JAKMIP3: variants seen among roughly 807,000 people sequenced by gnomAD.
The protein encoded by JAKMIP3 is janus kinase and microtubule-interacting protein 3.
Under a neutral mutation model 118.5 loss-of-function variants are expected in JAKMIP3, and 58 were observed. That is an observed-to-expected ratio of 0.49 (90% confidence interval 0.40 to 0.61). JAKMIP3 has a LOEUF of 0.61. Ranked by LOEUF, JAKMIP3 falls within the 20% of genes least tolerant of loss-of-function variation. JAKMIP3 has a pLI of 0.00. For synonymous variants in JAKMIP3, 486 were observed against 451.2 expected (o/e 1.08, Z -0.98); for missense variants, 950 against 1,109.0 (o/e 0.86, Z 2.04).
At chr10:132,124,847 T>C (rs1256724148) in intron 3 of JAKMIP3, among the ~76,000 whole-genome samples, 1 of 151,382 alleles carries the variant, frequency 6.6e-6, no homozygotes, top group Non-Finnish European at 1.5e-5. Flanking sequence ...CAGAGCCCCC[T>C]CTCGTTCTAC....
At chr10:132,131,250 G>A (rs2050511518) in intron 3 of JAKMIP3, among the ~76,000 whole-genome samples, 1 of 149,174 alleles carries the variant, frequency 6.7e-6, no homozygotes, top group African/African-American at 2.5e-5. Context: ...GAGTCGGGGG[G>A]CAGGGAGATG....
chr10:132,164,787 C>G (rs2058723600), intron 21 of JAKMIP3, 52 bp downstream of exon 21: 2 of 1,219,440 alleles, frequency 1.6e-6, no homozygotes, highest in Middle Eastern at 1.9e-4. Flanking sequence ...GGGAGAGGAA[C>G]CCGGTGTCAC....
At chr10:132,114,166 C>T (rs1049841984) in intron 2 of JAKMIP3, among the ~76,000 whole-genome samples, 11 of 152,354 alleles carry the variant, frequency 7.2e-5, no homozygotes, top group East Asian at 5.8e-4. Context: ...GCTGACTACC[C>T]GACTGATGAG....
intron 3 of JAKMIP3, among the ~76,000 whole-genome samples, chr10:132,128,705 A>G (rs1056158373): frequency 6.8e-6 from 1 of 146,912 alleles, no homozygotes; most frequent in Non-Finnish European, 1.5e-5. Context: ...TTCTAATTTT[A>G]GACCTTGTAT....
intron 2 of JAKMIP3, among the ~76,000 whole-genome samples, chr10:132,115,585 G>A (rs988660799): frequency 1.1e-4 from 16 of 152,248 alleles, no homozygotes; most frequent in African/African-American, 3.9e-4. Context: ...ACTGGCAGAG[G>A]AGGTTGGTGT....
At chr10:132,075,081 T>G (rs760277502) in intron 1 of JAKMIP3, among the ~76,000 whole-genome samples, 1 of 152,234 alleles carries the variant, frequency 6.6e-6, no homozygotes, top group Non-Finnish European at 1.5e-5. Flanking sequence ...TTACTATAAC[T>G]TTGTAGTATA....
intron 3 of JAKMIP3, among the ~76,000 whole-genome samples, chr10:132,120,888 G>A (rs183845430): frequency 4.0e-4 from 61 of 152,356 alleles, no homozygotes; most frequent in African/African-American, 1.2e-3. Flanking sequence ...TTAAATCTAC[G>A]CGTGAGGTGG....
intron 8 of JAKMIP3, among the ~76,000 whole-genome samples, chr10:132,137,595 C>T (rs2052086873): frequency 1.3e-5 from 2 of 152,196 alleles, no homozygotes; most frequent in African/African-American, 4.8e-5. Flanking sequence ...CGGCTGCTCA[C>T]CCCACCATGC....
chr10:132,070,038 G>A (rs1456747162), intron 1 of JAKMIP3, among the ~76,000 whole-genome samples: 1 of 152,212 alleles, frequency 6.6e-6, no homozygotes, highest in Non-Finnish European at 1.5e-5. Context: ...GGTGAGAGGT[G>A]CGGCTGCTGA....
intron 19 of JAKMIP3, 26 bp downstream of exon 19, chr10:132,154,016 C>G: frequency 6.2e-7 from 1 of 1,608,764 alleles, no homozygotes; most frequent in Non-Finnish European, 8.5e-7. Context: ...CTGCTGGAAC[C>G]CCGGGGAGGG....
At chr10:132,103,913 C>G (rs2045500868) in intron 1 of JAKMIP3, among the ~76,000 whole-genome samples, 1 of 152,202 alleles carries the variant, frequency 6.6e-6, no homozygotes, top group Non-Finnish European at 1.5e-5. Context: ...CTGGCACCCA[C>G]CATTCTACTT....
At position 132,117,532 on chromosome 10, in the gene JAKMIP3, C is replaced by A. The variant is rs1318331664; in HGVS notation, c.591C>A (p.Ile197=). ...RSVYHLHQEE[I]TRIKKECERE... ...TGTACCACCTGCACCAGGAGGAGAT[C>A]ACCCGCATCAAGAAGGAGTGCGAGC... The change falls in exon 3 of 24, where the codon ATC becomes ATA. Residue 197 remains isoleucine (I), a synonymous_variant. Coordinates refer to ENST00000684848, the MANE Select transcript of JAKMIP3 (RefSeq NM_001323087.2). This position sits in a 1 kb window ranked among gnomAD's most constrained non-coding sequence, Gnocchi z 8.6. 1.3e-6 allele frequency: 2 copies of A among 1,589,998 alleles called. No homozygotes were observed. Among genetic ancestry groups the A allele is most frequent in the Non-Finnish European group, 1.7e-6 (2 of 1,168,172 alleles).
At chr10:132,148,892 A>G (rs559160126) in intron 14 of JAKMIP3, among the ~76,000 whole-genome samples, 2 of 152,300 alleles carry the variant, frequency 1.3e-5, no homozygotes, top group African/African-American at 2.4e-5. Context: ...CTGGAGCCTC[A>G]CAGTCCAGCT....
chr10:132,067,943 GTGGACTCTGGGTTTCTGTGTGGTC>G (rs1291275044), intron 1 of JAKMIP3, among the ~76,000 whole-genome samples: 1 of 146,568 alleles, frequency 6.8e-6, no homozygotes, highest in African/African-American at 2.5e-5. Context: ...GGGCTTCCGT[GTGGACTCTGGGTTTCTGTGTGGTC>G]TGGACTGTGA....
intron 1 of JAKMIP3, among the ~76,000 whole-genome samples, chr10:132,040,773 G>A (rs527261362): frequency 8.6e-5 from 13 of 151,854 alleles, no homozygotes; most frequent in South Asian, 4.2e-4. Context: ...CAGGTTCAGC[G>A]CAGAATAGCA....
At chr10:132,043,001 G>A (rs531264441) in intron 1 of JAKMIP3, among the ~76,000 whole-genome samples, 1 of 151,858 alleles carries the variant, frequency 6.6e-6, no homozygotes, top group African/African-American at 2.4e-5. Context: ...GATTGAGGTG[G>A]GAGGACTACT....
In JAKMIP3 at chr10:132,183,872, A is replaced by C. The variant is rs1317579624; in HGVS notation, c.*2619A>C. 6.6e-6 allele frequency: 1 copy of C among 152,220 alleles called. No individual in the cohort carries two copies. The highest frequency in any genetic ancestry group is 1.5e-5 in the Non-Finnish European group (1 of 68,040). 9.4% of individuals were successfully genotyped at this position (152,220 alleles called of 1,614,324 possible). A position where few individuals can be genotyped will look rare whatever the true frequency, so the allele number is the denominator to read the frequency against. On this transcript the variant is annotated 3_prime_UTR_variant, in exon 24 of 24. Coordinates refer to ENST00000684848, the MANE Select transcript of JAKMIP3 (RefSeq NM_001323087.2). ...GAGCAGCAGCAGAATTCAAGTATTT[A>C]AAAATAAGGTGCATTTCTAAATTGC... is the stretch of plus-strand genomic sequence containing the variant.
intron 1 of JAKMIP3, among the ~76,000 whole-genome samples, chr10:132,086,337 C>T (rs897218807): frequency 2.0e-5 from 3 of 152,082 alleles, no homozygotes; most frequent in Non-Finnish European, 4.4e-5. Context: ...ATTCTGCAGT[C>T]GTTGGGTAGA....
intron 1 of JAKMIP3, among the ~76,000 whole-genome samples, chr10:132,098,835 G>A (rs992414487): frequency 5.6e-4 from 86 of 152,344 alleles, no homozygotes; most frequent in Admixed American, 2.5e-3. Context: ...CTCGTGATCA[G>A]GAGCCGGGGG....
Sources: gnomAD v4.1 joint callset for allele counts (sites outside exome capture counted in the v4.1 genomes callset) on GRCh38, gnomAD v4.1.1 for gene constraint, Gnocchi (gnomAD v3.1) non-coding constraint, MANE v1.5 for transcripts, NCBI Gene and HGNC (gene_info 2026-07-23, HGNC 2026-07-21) for gene names.